Variants in NXN observed in about 807,000 individuals in gnomAD.
NXN encodes nucleoredoxin 1.
NXN carries 16 observed loss-of-function variants against 48.6 expected under a neutral mutation model. The ratio of observed to expected loss-of-function variants is 0.33; its 90% CI spans 0.22 to 0.50. NXN has a LOEUF of 0.50. Among genes scored for constraint, NXN ranks in the 20% least tolerant of loss-of-function variants. The probability of loss-of-function intolerance (pLI) is 0.98; values close to 1 mark genes in which losing one functional copy is unlikely to be tolerated. For synonymous variants in NXN, 281 were observed against 269.6 expected (o/e 1.04, Z -0.41); for missense variants, 492 against 605.5 (o/e 0.81, Z 1.97).
At position 978,945 on chromosome 17, in the gene NXN, C is replaced by T. The variant is rs1257582885; in HGVS notation, c.360+374G>A. Among the ~76,000 whole-genome samples the T allele has an allele frequency of 1.3e-5, 2 of 150,958 alleles. No homozygotes were observed. The highest frequency in any genetic ancestry group is 4.2e-4 in the South Asian group (2 of 4,764). On this transcript the variant is annotated intron_variant, in intron 1 of 7. Coordinates refer to ENST00000336868, the MANE Select transcript of NXN (RefSeq NM_022463.5). This position sits in a 1 kb window ranked among gnomAD's most constrained non-coding sequence, Gnocchi z 4.1. ...GGTGAAGGGGTCGCGGAACCGGGATCCCCGAGCGCAGCCGCCCCCACCCGA... is the reference window on the plus strand; with the variant it reads ...GGTGAAGGGGTCGCGGAACCGGGATTCCCGAGCGCAGCCGCCCCCACCCGA...
rs1597629930 is a variant in NXN at position 822,548 on chromosome 17, G to A, written c.613-91C>T. 6.8e-6 allele frequency: 6 copies of A among 888,630 alleles called. No homozygotes were observed. The East Asian group carries it at 1.5e-4, about 23-fold the overall frequency. The allele number at this position is 888,630 out of a possible 1,614,324, so 55.0% of individuals were successfully genotyped here. On this transcript the variant is annotated intron_variant, in intron 3 of 7. Coordinates refer to ENST00000336868, the MANE Select transcript of NXN (RefSeq NM_022463.5). Reference sequence around the variant, plus strand: ...CCAAGGCCGGGTTAGCAGGACTCAAGCAGGACTGGGACAGCAAAATCCCGT... The same window carrying A: ...CCAAGGCCGGGTTAGCAGGACTCAAACAGGACTGGGACAGCAAAATCCCGT...
rs1295960272 is a variant in NXN, at chr17:910,306, G to A, written c.360+69013C>T. 2.0e-5 allele frequency among the ~76,000 whole-genome samples: 3 copies of A among 151,992 alleles called. No homozygotes were observed. In the East Asian group the frequency reaches 5.8e-4, roughly 29 times the overall value. On this transcript the variant is annotated intron_variant, in intron 1 of 7. Coordinates refer to ENST00000336868, the MANE Select transcript of NXN (RefSeq NM_022463.5). ...GGGCACTTGTAATCCCAGCTACTCA[G>A]AAGGCTGAGGGAGGAGAATCACTTG...
chr17:825,845 C>T lies in NXN; in HGVS notation c.478+116G>A. On this transcript the variant is annotated intron_variant, in intron 2 of 7. Coordinates refer to ENST00000336868, the MANE Select transcript of NXN (RefSeq NM_022463.5). This position sits in a 1 kb window ranked among gnomAD's most constrained non-coding sequence, Gnocchi z 4.1. The stretch of plus-strand genomic sequence containing the variant: ...GACGACATTCTCTACCACGTAAACC[C>T]ACGTGTATCTATTTCACCAGTACTC... 1 of 680,266 alleles carries T rather than the reference C, an allele frequency of 1.5e-6. No homozygotes were observed. The highest frequency in any genetic ancestry group is 2.6e-6 in the Non-Finnish European group (1 of 383,398). The allele number at this position is 680,266 out of a possible 1,614,324, so 42.1% of individuals were successfully genotyped here.
intron 5 of NXN, among the ~76,000 whole-genome samples, chr17:813,135 T>C (rs1009457685): frequency 1.3e-5 from 2 of 152,236 alleles, no homozygotes; most frequent in Non-Finnish European, 2.9e-5. Flanking sequence ...CTCAGAAATA[T>C]TCAGAATTCA....
At chr17:940,760 G>T (rs1339003503) in intron 1 of NXN, among the ~76,000 whole-genome samples, 2 of 150,122 alleles carry the variant, frequency 1.3e-5, no homozygotes, top group Non-Finnish European at 2.9e-5. Context: ...GCGCAGCCAT[G>T]AATTCAGATC....
At chr17:846,619 G>T (rs775659149) in intron 1 of NXN, among the ~76,000 whole-genome samples, 1 of 152,012 alleles carries the variant, frequency 6.6e-6, no homozygotes, top group Non-Finnish European at 1.5e-5. Flanking sequence ...TTTTTTATTG[G>T]CCGGAGTCGG....
intron 5 of NXN, among the ~76,000 whole-genome samples, chr17:817,712 G>A (rs1912561191): frequency 6.6e-6 from 1 of 151,044 alleles, no homozygotes; most frequent in South Asian, 2.1e-4. Flanking sequence ...ATGCCCCTCA[G>A]GCGCAGAACT....
At chr17:936,911 G>T (rs921150923) in intron 1 of NXN, among the ~76,000 whole-genome samples, 3 of 151,968 alleles carry the variant, frequency 2.0e-5, no homozygotes, top group African/African-American at 7.2e-5. Flanking sequence ...GGATAGAAAA[G>T]AGGCAGAAAG....
chr17:889,749 A>AAG (rs879442278), intron 1 of NXN, among the ~76,000 whole-genome samples: 303 of 29,500 alleles, frequency 0.01, 5 homozygotes, highest in South Asian at 0.016. Flanking sequence ...GAAAGAAAGA[A>AAG]AGAAAGAAAG....
At chr17:925,042 G>C (rs1315832770) in intron 1 of NXN, among the ~76,000 whole-genome samples, 1 of 152,230 alleles carries the variant, frequency 6.6e-6, no homozygotes, top group Non-Finnish European at 1.5e-5. Context: ...GGCGGATTCA[G>C]GTGTAAGAAC....
At chr17:871,097 G>A (rs1192812654) in intron 1 of NXN, among the ~76,000 whole-genome samples, 11 of 151,802 alleles carry the variant, frequency 7.2e-5, no homozygotes, top group Non-Finnish European at 1.3e-4. Context: ...TCCTGACCTC[G>A]TGATCCGCCC....
Position 816,235 on chromosome 17 carries a change from C to T in NXN, c.820+3204G>A, listed in dbSNP as rs560350640. Among the ~76,000 whole-genome samples, 49 of 152,258 alleles carry T rather than the reference C, an allele frequency of 3.2e-4. No homozygotes were observed. In the South Asian group the frequency reaches 5.2e-3, roughly 16 times the overall value. ...ACGTCGCTTTTAATTAACACAGAGTCGTTCTGGGGACGAAGACCTGAATCC... is the reference window on the plus strand; with the variant it reads ...ACGTCGCTTTTAATTAACACAGAGTTGTTCTGGGGACGAAGACCTGAATCC... On this transcript the variant is annotated intron_variant, in intron 5 of 7. Transcript: ENST00000336868.
chr17:843,199 CA>C (rs1914479315), intron 1 of NXN, among the ~76,000 whole-genome samples: 1 of 152,210 alleles, frequency 6.6e-6, no homozygotes, highest in Non-Finnish European at 1.5e-5. Context: ...GTGCCGAACG[CA>C]AAGTATTTAA....
At chr17:979,286 C>CGGGCAGGGGTAACGGGCGTGGGGGGA in intron 1 of NXN, 33 bp downstream of exon 1, 1 of 1,054,900 alleles carries the variant, frequency 9.5e-7, no homozygotes. Context: ...GCGTGGGGGG[C>CGGGCAGGGGTAACGGGCGTGGGGGGA]GGGCAGGGGC....
intron 1 of NXN, among the ~76,000 whole-genome samples, chr17:900,503 G>A (rs919666704): frequency 5.3e-5 from 8 of 152,098 alleles, no homozygotes; most frequent in African/African-American, 1.9e-4. Context: ...ACATCAGGAG[G>A]AAATCTCTTT....
intron 1 of NXN, among the ~76,000 whole-genome samples, chr17:885,617 C>T (rs1363882694): frequency 2.2e-5 from 2 of 92,578 alleles, no homozygotes; most frequent in African/African-American, 8.2e-5. Context: ...TCTTTGCGCA[C>T]ACATGCCCCT....
rs189564770 is a variant in NXN at position 945,456 on chromosome 17, C to T, written c.360+33863G>A. On this transcript the variant is annotated intron_variant, in intron 1 of 7. Transcript: ENST00000336868. ...CATCCTGGCTAACATGGTGAAACCCCGTCTCTACTAAAAATACGAAAAAAA... is the reference window on the plus strand; with the variant it reads ...CATCCTGGCTAACATGGTGAAACCCTGTCTCTACTAAAAATACGAAAAAAA... Among the ~76,000 whole-genome samples the T allele has an allele frequency of 7.9e-4, 119 of 151,190 alleles. No individual in the cohort carries two copies. The East Asian group carries it at 0.021, about 27-fold the overall frequency.
At position 919,594 on chromosome 17, in the gene NXN, A is replaced by G. The variant is rs2068724716; in HGVS notation, c.360+59725T>C. The stretch of plus-strand genomic sequence containing the variant: ...CCTCGTATCGTGGGTTACAGAACCT[A>G]CGTCGTCCTCGGAATCCCCGCATTC... On this transcript the variant is annotated intron_variant, in intron 1 of 7. Coordinates refer to ENST00000336868, the MANE Select transcript of NXN (RefSeq NM_022463.5). This position sits in a 1 kb window ranked among gnomAD's most constrained non-coding sequence, Gnocchi z 5.1. Among the ~76,000 whole-genome samples the G allele has an allele frequency of 6.6e-6, 1 of 152,124 alleles. No individual in the cohort carries two copies. Among genetic ancestry groups the G allele is most frequent in the Non-Finnish European group, 1.5e-5 (1 of 68,036 alleles).
intron 1 of NXN, among the ~76,000 whole-genome samples, chr17:826,871 G>A (rs1913131778): frequency 1.3e-5 from 2 of 152,194 alleles, no homozygotes; most frequent in Admixed American, 1.3e-4. Flanking sequence ...AGAGGTCCAG[G>A]GTCTAAGAGG....
Sources: gnomAD v4.1 joint callset for allele counts (sites outside exome capture counted in the v4.1 genomes callset) on GRCh38, gnomAD v4.1.1 for gene constraint, Gnocchi (gnomAD v3.1) non-coding constraint, MANE v1.5 for transcripts, NCBI Gene and HGNC (gene_info 2026-07-23, HGNC 2026-07-21) for gene names.